The following VILL variants were observed in gnomAD, a reference collection of about 807,000 sequenced individuals.
VILL encodes the protein villin like, also known as villin-like protein.
Under a neutral mutation model 106.3 loss-of-function variants are expected in VILL, and 102 were observed. The observed-to-expected ratio is 0.96, with a 90% confidence interval of 0.82 to 1.13. The LOEUF is 1.13. Ranked by LOEUF, VILL falls within the 50% of genes most tolerant of loss-of-function variation. The pLI, the probability that VILL is intolerant of heterozygous loss-of-function variation, is 0.00. For synonymous variants in VILL, 431 were observed against 440.3 expected (o/e 0.98, Z 0.27); for missense variants, 1,076 against 1,116.6 (o/e 0.96, Z 0.52).
rs879627961 is a variant in VILL at position 37,997,384 on chromosome 3, T to G, written c.562-99T>G. ...GCCAGGATGAGGGGACATCAGCCCT[T>G]CTCCCCATCAGCCTCTGGGAGCTGA... is the stretch of plus-strand genomic sequence containing the variant. On this transcript the variant is annotated intron_variant, in intron 6 of 19. Coordinates refer to ENST00000383759, the MANE Select transcript of VILL (RefSeq NM_015873.4). The surrounding 1 kb of genome is among the most constrained non-coding windows in gnomAD (Gnocchi z 4.7). 2 of 1,365,710 alleles carry G rather than the reference T, an allele frequency of 1.5e-6. No homozygotes were observed. Among genetic ancestry groups the G allele is most frequent in the Non-Finnish European group, 2.0e-6 (2 of 983,092 alleles). The allele number at this position is 1,365,710 out of a possible 1,614,324, so 84.6% of individuals were successfully genotyped here.
intron 1 of VILL, among the ~76,000 whole-genome samples, chr3:37,992,093 C>T (rs1699618881): frequency 1.3e-5 from 2 of 152,228 alleles, no homozygotes; most frequent in African/African-American, 2.4e-5. Context: ...CTTTCCAGTC[C>T]CCCATGTGCC....
rs749597389 is a variant in VILL at position 38,003,151 on chromosome 3, ATC to A, written c.1660-13_1660-12del. On this transcript the variant is annotated splice_polypyrimidine_tract_variant and intron_variant, in intron 14 of 19. Coordinates refer to ENST00000383759, the MANE Select transcript of VILL (RefSeq NM_015873.4). Reference sequence around the variant, plus strand: ...CCCCTCCTCATGCAGGGCCTGAGCCATCTCTTTGCCTGCTAGGGCTGTAATGG... The same window carrying A: ...CCCCTCCTCATGCAGGGCCTGAGCCATCTTTGCCTGCTAGGGCTGTAATGG... 1.2e-6 allele frequency: 2 copies of A among 1,613,016 alleles called. No homozygotes were observed. Among genetic ancestry groups the A allele is most frequent in the Non-Finnish European group, 1.7e-6 (2 of 1,179,546 alleles).
rs925493458 is a variant in VILL at position 38,003,176 on chromosome 3, T to C, written c.1668T>C (p.Asn556=). The change falls in exon 15 of 20, where the codon AAT becomes AAC. Residue 556 remains asparagine, a synonymous_variant. Transcript: ENST00000383759. ...VCYLWFGKGC[N]GDQREMARVV... is the part of the protein sequence containing the mutation. ...ATCTCTTTGCCTGCTAGGGCTGTAA[T>C]GGTGATCAGCGTGAGATGGCACGGG... 4 of 1,613,712 alleles carry C rather than the reference T, an allele frequency of 2.5e-6. No individual in the cohort carries two copies. Among genetic ancestry groups the C allele is most frequent in the African/African-American group, 2.7e-5 (2 of 74,932 alleles).
At position 38,006,200 on chromosome 3, in the gene VILL, A is replaced by T; in HGVS notation, c.2153A>T (p.Glu718Val). ...CTCCAGAGCCACCCGTCCCACAAGG[A>T]AGTGGTGGATGGCAGCCCGGCAGCA... Reference protein sequence around the residue: ...YKWTSHPSHKEVVDGSPAAAS... With the variant: ...YKWTSHPSHKVVVDGSPAAAS... Residue 718 changes from glutamate to valine, a missense_variant, in exon 18 of 20, where the codon GAA becomes GTA. Transcript: ENST00000383759. The T allele has an allele frequency of 6.2e-7, 1 of 1,614,168 alleles. No homozygotes were observed. Among genetic ancestry groups the T allele is most frequent in the Non-Finnish European group, 8.5e-7 (1 of 1,180,016 alleles).
Position 38,002,418 on chromosome 3 carries a change from A to G in VILL, c.1502A>G (p.Lys501Arg). 1 of 1,613,140 alleles carries G rather than the reference A, an allele frequency of 6.2e-7. No individual in the cohort carries two copies. The highest frequency in any genetic ancestry group is 8.5e-7 in the Non-Finnish European group (1 of 1,179,416). ...IFQERAGHHG[K>R]GQSASTTRLF... ...TAGGAGAGAGCTGGGCACCATGGAA[A>G]GGGGCAGTCAGCATCCACCACAAGG... Residue 501 changes from lysine to arginine, a missense_variant, in exon 14 of 20, where the codon AAG becomes AGG. Lys to Arg is a conservative substitution (Grantham distance 26). Coordinates refer to ENST00000383759, the MANE Select transcript of VILL (RefSeq NM_015873.4).
chr3:37,994,571 G>A (rs2125529773), intron 4 of VILL, 105 bp downstream of exon 4: 2 of 1,326,842 alleles, frequency 1.5e-6, no homozygotes, highest in East Asian at 2.5e-5. Flanking sequence ...GGGCAAGCCG[G>A]GAGGGGTTGG....
Position 37,997,020 on chromosome 3 carries a change from TC to T in VILL, c.451-53del. 6.7e-7 allele frequency: 1 copy of T among 1,502,740 alleles called. No individual in the cohort carries two copies. Among genetic ancestry groups the T allele is most frequent in the Non-Finnish European group, 9.3e-7 (1 of 1,080,766 alleles). 93.1% of individuals were successfully genotyped at this position (1,502,740 alleles called of 1,614,324 possible). A position where few individuals can be genotyped will look rare whatever the true frequency, so the allele number is the denominator to read the frequency against. On this transcript the variant is annotated intron_variant, in intron 5 of 19. Coordinates refer to ENST00000383759, the MANE Select transcript of VILL (RefSeq NM_015873.4). The surrounding 1 kb of genome is among the most constrained non-coding windows in gnomAD (Gnocchi z 4.7). ...CACACGTGACACATCCCAGCTATGC[TC>T]CCCTCTAGCGGATGCTGGTGGTATG...
chr3:37,994,610 A>G (rs1312831502), intron 4 of VILL, 144 bp downstream of exon 4: 7 of 849,760 alleles, frequency 8.2e-6, no homozygotes, highest in Non-Finnish European at 1.3e-5. Context: ...TACAACTCAT[A>G]CGCCATACGA....
At chr3:37,995,071 G>C (rs73060809) in intron 4 of VILL, among the ~76,000 whole-genome samples, 6,749 of 152,278 alleles carry the variant, frequency 0.044, 154 homozygotes, top group African/African-American at 0.055. Context: ...ACAAGTTTTT[G>C]TGTGGACAAA....
intron 14 of VILL, 190 bp from the exon 15 acceptor site, chr3:38,002,978 C>G (rs112819729): frequency 2.8e-6 from 2 of 725,248 alleles, no homozygotes; most frequent in Non-Finnish European, 4.3e-6. Flanking sequence ...CCAGACCCTG[C>G]GATCCAGATC....
chr3:38,004,312 G>A lies in VILL; in HGVS notation c.1863G>A (p.Met621Ile). Residue 621 changes from methionine to isoleucine, a missense_variant, in exon 16 of 20, where the codon ATG becomes ATA. Coordinates refer to ENST00000383759, the MANE Select transcript of VILL (RefSeq NM_015873.4). ...QPRLFECSSH[M>I]GCLVLAEVGF... ...GACTGTTTGAGTGCTCCAGCCACAT[G>A]GGCTGCCTGGTCCTCGCAGAAGTGG... The A allele has an allele frequency of 6.2e-7, 1 of 1,613,978 alleles. No homozygotes were observed. Among genetic ancestry groups the A allele is most frequent in the Non-Finnish European group, 8.5e-7 (1 of 1,179,826 alleles).
Position 37,994,416 on chromosome 3 carries a change from G to T in VILL, c.291G>T (p.Ala97=), listed in dbSNP as rs893800104. 11 of 1,612,494 alleles carry T rather than the reference G, an allele frequency of 6.8e-6. No homozygotes were observed. Among genetic ancestry groups the T allele is most frequent in the Admixed American group, 5.0e-5 (3 of 59,916 alleles). The change falls in exon 4 of 20, where the codon GCG becomes GCT. Residue 97 remains alanine (A), a synonymous_variant. Transcript: ENST00000383759. Reference sequence around the variant, plus strand: ...GCCAGACCGTGCTGCACCGCGAGGCGCAGGGCCACGAGTCCGACTGCTTCT... The same window carrying T: ...GCCAGACCGTGCTGCACCGCGAGGCTCAGGGCCACGAGTCCGACTGCTTCT... ...LGGQTVLHRE[A]QGHESDCFCS... is the part of the protein sequence containing the mutation.
At position 37,995,853 on chromosome 3, in the gene VILL, G is replaced by A; in HGVS notation, c.450+6G>A. 6.2e-7 allele frequency: 1 copy of A among 1,612,306 alleles called. No individual in the cohort carries two copies. Among genetic ancestry groups the A allele is most frequent in the South Asian group, 1.1e-5 (1 of 91,006 alleles). On this transcript the variant is annotated splice_donor_region_variant and intron_variant, in intron 5 of 19. Coordinates refer to ENST00000383759, the MANE Select transcript of VILL (RefSeq NM_015873.4). The stretch of plus-strand genomic sequence containing the variant: ...AGCACGTGTCTGCCACTGAGGTGAG[G>A]CTGCCAGGGGAGCCTCTTGACCTCT...
In VILL at chr3:37,993,751, T is replaced by C. The variant is rs372531028; in HGVS notation, c.60+19T>C. ...CTCTGAGGTGAGAGGCACGACCAAA[T>C]AGGAGAGTTGGTGACATGGAAGAGC... On this transcript the variant is annotated intron_variant, in intron 2 of 19. Coordinates refer to ENST00000383759, the MANE Select transcript of VILL (RefSeq NM_015873.4). 1.1e-5 allele frequency: 18 copies of C among 1,613,538 alleles called. No homozygotes were observed. The African/African-American group carries it at 1.5e-4, about 13-fold the overall frequency.
At chr3:38,005,681 G>A (rs1699903887) in intron 16 of VILL, 111 bp from the exon 17 acceptor site, 2 of 1,209,846 alleles carry the variant, frequency 1.7e-6, no homozygotes, top group Non-Finnish European at 2.3e-6. Flanking sequence ...CTTGGCCAGG[G>A]ATGTGTATGT....
chr3:38,007,037 G>C lies in VILL; in HGVS notation c.2553G>C (p.Lys851Asn). 6.2e-7 allele frequency: 1 copy of C among 1,614,036 alleles called. No homozygotes were observed. The highest frequency in any genetic ancestry group is 1.7e-4 in the Middle Eastern group (1 of 6,058). ...MATWRQRQEKKQLGFF is the reference protein window; with the variant it reads ...MATWRQRQEKNQLGFF ...CGTGGAGGCAGCGGCAGGAGAAAAA[G>C]CAGCTGGGCTTCTTCTGAACCCAAG... The change falls in exon 20 of 20, where the codon AAG (lysine) becomes AAC (asparagine). Residue 851 changes from lysine to asparagine, a missense_variant. Coordinates refer to ENST00000383759, the MANE Select transcript of VILL (RefSeq NM_015873.4).
intron 15 of VILL, 159 bp downstream of exon 15, chr3:38,003,472 C>A: frequency 1.0e-6 from 1 of 969,712 alleles, no homozygotes; most frequent in Non-Finnish European, 1.5e-6. Flanking sequence ...GTACAGCCCA[C>A]GCTTCGCTCC....
Position 38,001,696 on chromosome 3 carries a change from C to G in VILL, c.1321-6C>G. On this transcript the variant is annotated splice_region_variant and splice_polypyrimidine_tract_variant and intron_variant, in intron 12 of 19. Coordinates refer to ENST00000383759, the MANE Select transcript of VILL (RefSeq NM_015873.4). Reference sequence around the variant, plus strand: ...CCAGGCCCTCACTCACTGCCCCCACCTGCAGGGCCACCAGGCCACTGCGGA... The same window carrying G: ...CCAGGCCCTCACTCACTGCCCCCACGTGCAGGGCCACCAGGCCACTGCGGA... The G allele has an allele frequency of 6.2e-7, 1 of 1,614,162 alleles. No homozygotes were observed. Among genetic ancestry groups the G allele is most frequent in the South Asian group, 1.1e-5 (1 of 91,088 alleles).
At position 37,994,455 on chromosome 3, in the gene VILL, C is replaced by T. The variant is rs1042417809; in HGVS notation, c.330C>T (p.Arg110=). ...HESDCFCSYF[R]PGIIYRKGGL... The stretch of plus-strand genomic sequence containing the variant: ...CCGACTGCTTCTGCAGCTACTTCCG[C>T]CCGGGAATCATGTGAGTGCGGGGGC... Residue 110 remains arginine (R), a synonymous_variant, in exon 4 of 20, where the codon CGC becomes CGT. Coordinates refer to ENST00000383759, the MANE Select transcript of VILL (RefSeq NM_015873.4). 25 of 1,612,258 alleles carry T rather than the reference C, an allele frequency of 1.6e-5. No homozygotes were observed. The highest frequency in any genetic ancestry group is 1.9e-5 in the Non-Finnish European group (23 of 1,179,792).
Sources: allele counts gnomAD v4.1 joint callset (sites outside exome capture counted in the v4.1 genomes callset), GRCh38; gene constraint gnomAD v4.1.1; non-coding constraint Gnocchi (gnomAD v3.1); transcripts MANE v1.5; gene names NCBI Gene and HGNC (gene_info 2026-07-23, HGNC 2026-07-21).